The following COL5A3 variants were observed in gnomAD, a reference collection of about 807,000 sequenced individuals.
COL5A3 encodes the protein collagen alpha-3(V) chain.
Under a neutral mutation model 250.0 loss-of-function variants are expected in COL5A3, and 172 were observed. That is an observed-to-expected ratio of 0.69 (90% CI 0.61 to 0.78). The LOEUF is 0.78. Ranked by LOEUF, COL5A3 falls within the 30% of genes least tolerant of loss-of-function variation. The pLI is 0.00. For synonymous variants in COL5A3, 937 were observed against 900.4 expected (o/e 1.04, Z -0.73); for missense variants, 2,340 against 2,334.4 (o/e 1.00, Z -0.05).
Position 9,968,895 on chromosome 19 carries a change from G to A in COL5A3, c.4153-167C>T, listed in dbSNP as rs973650882. On this transcript the variant is annotated intron_variant, in intron 57 of 66. Transcript: ENST00000264828. This position sits in a 1 kb window ranked among gnomAD's most constrained non-coding sequence, Gnocchi z 4.1. ...AGGCCACCAAGGTGGGATGATGAGA[G>A]CTAATGAGGGGTTGACTGGAGGATG... The A allele has an allele frequency of 2.2e-5, 15 of 677,058 alleles. No individual in the cohort carries two copies. Among genetic ancestry groups the A allele is most frequent in the Non-Finnish European group, 3.1e-5 (12 of 388,448 alleles). 41.9% of individuals were successfully genotyped at this position (677,058 alleles called of 1,614,324 possible). A position where few individuals can be genotyped will look rare whatever the true frequency, so the allele number is the denominator to read the frequency against.
chr19:9,963,748 A>G (rs1460836291), intron 64 of COL5A3, among the ~76,000 whole-genome samples: 2 of 152,058 alleles, frequency 1.3e-5, no homozygotes, highest in South Asian at 4.1e-4. Context: ...AGGTCCTCAG[A>G]TGTTAGTAAT....
chr19:9,991,069 G>T (rs2087181963), intron 24 of COL5A3, among the ~76,000 whole-genome samples: 1 of 152,024 alleles, frequency 6.6e-6, no homozygotes, highest in African/African-American at 2.4e-5. Context: ...TACAAAAAAA[G>T]AAAATAAGAA....
At chr19:9,993,132 T>C (rs772323122) in intron 19 of COL5A3, 65 bp from the exon 20 acceptor site, 68 of 1,543,686 alleles carry the variant, frequency 4.4e-5, no homozygotes, top group Middle Eastern at 1.7e-4. Flanking sequence ...CCTCCCCTCA[T>C]CTGGGCAGCC....
chr19:9,972,860 C>A, intron 51 of COL5A3, 59 bp downstream of exon 51: 4 of 1,322,552 alleles, frequency 3.0e-6, no homozygotes, highest in Admixed American at 2.7e-5. Flanking sequence ...TTTGGGAGAG[C>A]TTCAAGTACA....
intron 51 of COL5A3, 26 bp from the exon 52 acceptor site, chr19:9,971,284 A>G: frequency 6.5e-7 from 1 of 1,537,380 alleles, no homozygotes; most frequent in Non-Finnish European, 8.8e-7. Flanking sequence ...ATTAATAATC[A>G]CATCTCTGAA....
rs1194666465 is a variant in COL5A3, at chr19:9,979,993, CA to C, written c.2658del (p.Gly887ValfsTer33). 2 of 1,586,166 alleles carry C rather than the reference CA, an allele frequency of 1.3e-6. No homozygotes were observed. The highest frequency in any genetic ancestry group is 1.7e-6 in the Non-Finnish European group (2 of 1,172,534). On this transcript the variant is annotated frameshift_variant and splice_region_variant, in exon 36 of 67. Coordinates refer to ENST00000264828, the MANE Select transcript of COL5A3 (RefSeq NM_015719.4). LOFTEE classifies it high-confidence loss of function. ...PPGFPGPKGP[P>X]GHQGKDGRPG... ...CCCCCAATGAGGGTGACCTCACTCACAGGGGGGCCCTTTGGCCCAGGGAATC... is the reference window on the plus strand; with the variant it reads ...CCCCCAATGAGGGTGACCTCACTCACGGGGGGCCCTTTGGCCCAGGGAATC...
At position 9,996,064 on chromosome 19, in the gene COL5A3, AC is replaced by A; in HGVS notation, c.1533+1del. ...ATCCTGCCCTATCTCCACAAGTCTCACCTGTGGCCCTTCTGCTCCCTCCTCT... is the reference window on the plus strand; with the variant it reads ...ATCCTGCCCTATCTCCACAAGTCTCACTGTGGCCCTTCTGCTCCCTCCTCT... On this transcript the variant is annotated splice_donor_variant, in intron 15 of 66. Coordinates refer to ENST00000264828, the MANE Select transcript of COL5A3 (RefSeq NM_015719.4). LOFTEE classifies it high-confidence loss of function. 1 of 1,572,186 alleles carries A rather than the reference AC, an allele frequency of 6.4e-7. No homozygotes were observed. Among genetic ancestry groups the A allele is most frequent in the Non-Finnish European group, 8.6e-7 (1 of 1,160,216 alleles).
At position 9,966,359 on chromosome 19, in the gene COL5A3, C is replaced by T. The variant is rs769742932; in HGVS notation, c.4737G>A (p.Thr1579=). ...RDSFRVFCNF[T]AGGETCLYPD... is the part of the protein sequence containing the mutation. ...GATAGAGGCAGGTCTCTCCTCCCGC[C>T]GTGAAGTTGCAAAAAACCCTGAACG... Residue 1579 remains threonine (T), a synonymous_variant, in exon 64 of 67, where the codon ACG becomes ACA. Transcript: ENST00000264828. The T allele has an allele frequency of 3.1e-6, 5 of 1,609,872 alleles. No homozygotes were observed. Among genetic ancestry groups the T allele is most frequent in the Non-Finnish European group, 4.2e-6 (5 of 1,177,756 alleles).
intron 19 of COL5A3, 63 bp downstream of exon 19, chr19:9,993,317 G>T: frequency 6.4e-7 from 1 of 1,562,320 alleles, no homozygotes; most frequent in Non-Finnish European, 8.8e-7. Flanking sequence ...CTTCCTCTCT[G>T]ATTCTCACTC....
intron 44 of COL5A3, 58 bp from the exon 45 acceptor site, chr19:9,976,669 C>G: frequency 7.3e-7 from 1 of 1,364,262 alleles, no homozygotes; most frequent in Non-Finnish European, 1.0e-6. Context: ...AGAGAGGGCA[C>G]TGGAGCTATC....
Position 10,009,493 on chromosome 19 carries a change from AG to A in COL5A3, c.88+804del, listed in dbSNP as rs943576186. Reference sequence around the variant, plus strand: ...CAAGGCTCCAGCAGCTGGGGTGGGGAGGGGGGGAGCAACTTCCACTCCTGCC... The same window carrying A: ...CAAGGCTCCAGCAGCTGGGGTGGGGAGGGGGGAGCAACTTCCACTCCTGCC... On this transcript the variant is annotated intron_variant, in intron 1 of 66. Transcript: ENST00000264828. The surrounding 1 kb of genome is among the most constrained non-coding windows in gnomAD (Gnocchi z 4.4). Among the ~76,000 whole-genome samples, 4 of 143,028 alleles carry A rather than the reference AG, an allele frequency of 2.8e-5. No homozygotes were observed. Among genetic ancestry groups the A allele is most frequent in the South Asian group, 2.5e-4 (1 of 4,028 alleles). 93.8% of individuals were successfully genotyped at this position (143,028 alleles called of 152,430 possible).
chr19:9,989,286 T>C, intron 26 of COL5A3, 36 bp downstream of exon 26: 3 of 1,613,886 alleles, frequency 1.9e-6, no homozygotes, highest in Non-Finnish European at 2.5e-6. Flanking sequence ...CTCCCGACCC[T>C]CGTCCCCAAC....
At chr19:9,973,347 C>T (rs1338387342) in intron 50 of COL5A3, among the ~76,000 whole-genome samples, 1 of 152,188 alleles carries the variant, frequency 6.6e-6, no homozygotes, top group Non-Finnish European at 1.5e-5. Context: ...CCTCACCTAT[C>T]CCCTGGGTCA....
At chr19:9,983,529 GAAGAAAGAAAGA>G (rs59275367) in intron 31 of COL5A3, among the ~76,000 whole-genome samples, 7,529 of 94,818 alleles carry the variant, frequency 0.079, 409 homozygotes, top group Admixed American at 0.097. Context: ...CAAAAAGAAA[GAAGAAAGAAAGA>G]AAGAAAGAAA....
chr19:9,998,280 TCTC>T (rs1170278834), intron 8 of COL5A3, 131 bp from the exon 9 acceptor site: 6 of 909,394 alleles, frequency 6.6e-6, no homozygotes, highest in African/African-American at 5.0e-5. Context: ...CAGAGCCCCT[TCTC>T]CTCTACTGTA....
rs1196553914 is a variant in COL5A3 at position 9,980,792 on chromosome 19, C to T, written c.2559+14G>A. ...TGGGGCATGGGGGGCCTTGATTGCC[C>T]ACCCATCCCATACCTTGGGGCCTGG... is the stretch of plus-strand genomic sequence containing the variant. On this transcript the variant is annotated intron_variant, in intron 34 of 66. Transcript: ENST00000264828. 2 of 1,613,186 alleles carry T rather than the reference C, an allele frequency of 1.2e-6. No individual in the cohort carries two copies. Among genetic ancestry groups the T allele is most frequent in the South Asian group, 1.1e-5 (1 of 90,906 alleles).
chr19:9,969,764 G>T (rs2086802604), intron 55 of COL5A3, 82 bp from the exon 56 acceptor site: 2 of 1,569,018 alleles, frequency 1.3e-6, no homozygotes, highest in Non-Finnish European at 1.7e-6. Context: ...TCTGGGATCG[G>T]GAGGGAGTAG....
intron 31 of COL5A3, among the ~76,000 whole-genome samples, chr19:9,983,529 GAAGAAAGAAAGAAAGAAAGAAAGA>G (rs59275367): frequency 0.017 from 1,594 of 95,192 alleles, 39 homozygotes; most frequent in Middle Eastern, 0.033. Context: ...CAAAAAGAAA[GAAGAAAGAAAGAAAGAAAGAAAGA>G]AAGAAAGAAA....
Position 9,967,924 on chromosome 19 carries a change from T to A in COL5A3, c.4384A>T (p.Lys1462Ter). 1 of 1,613,268 alleles carries A rather than the reference T, an allele frequency of 6.2e-7. No homozygotes were observed. The highest frequency in any genetic ancestry group is 1.7e-4 in the Middle Eastern group (1 of 6,050). ...PPGVAGPLGQ[K>*]GSKGSPGSMG... The stretch of plus-strand genomic sequence containing the variant: ...CTCACCGGAGACCCTTTTGAGCCTT[T>A]CTGTCCTAGAGGGCCCTGTAGGGTA... Residue 1462 changes from lysine (K) to a stop codon, truncating the protein, a stop_gained, in exon 61 of 67, where the codon AAA (lysine) becomes TAA (stop). Coordinates refer to ENST00000264828, the MANE Select transcript of COL5A3 (RefSeq NM_015719.4). LOFTEE classifies it high-confidence loss of function.
Sources: gnomAD v4.1 joint callset for allele counts (sites outside exome capture counted in the v4.1 genomes callset) on GRCh38, gnomAD v4.1.1 for gene constraint, Gnocchi (gnomAD v3.1) non-coding constraint, MANE v1.5 for transcripts, NCBI Gene and HGNC (gene_info 2026-07-23, HGNC 2026-07-21) for gene names.